The following VAV3 variants were observed in gnomAD, a reference collection of about 807,000 sequenced individuals.
VAV3 encodes the protein guanine nucleotide exchange factor VAV3.
Under a neutral mutation model 131.2 loss-of-function variants are expected in VAV3, and 94 were observed. The observed-to-expected ratio is 0.72, with a 90% CI of 0.61 to 0.85. VAV3 has a LOEUF of 0.85. Among genes scored for constraint, VAV3 ranks in the 40% least tolerant of loss-of-function variants. VAV3 has a pLI of 0.00. For synonymous variants in VAV3, 349 were observed against 342.0 expected (o/e 1.02, Z -0.22); for missense variants, 939 against 1,002.7 (o/e 0.94, Z 0.86).
At chr1:107,873,041 T>A (rs1359262216) in intron 2 of VAV3, among the ~76,000 whole-genome samples, 1 of 152,212 alleles carries the variant, frequency 6.6e-6, no homozygotes, top group Non-Finnish European at 1.5e-5. Flanking sequence ...ACTCCAATCT[T>A]GGCAGTAGCA....
intron 1 of VAV3, among the ~76,000 whole-genome samples, chr1:107,951,390 G>A (rs979429716): frequency 7.9e-5 from 12 of 152,110 alleles, no homozygotes; most frequent in Admixed American, 6.6e-5. Flanking sequence ...CTAAAAGTGG[G>A]AACTTCATAT....
At chr1:107,795,488 G>C (rs140910360) in intron 2 of VAV3, among the ~76,000 whole-genome samples, 82 of 152,128 alleles carry the variant, frequency 5.4e-4, no homozygotes, top group Middle Eastern at 3.4e-3. Flanking sequence ...ACTATTGTCT[G>C]TTTTCTTTTT....
chr1:107,835,382 C>G (rs115992435), intron 2 of VAV3, among the ~76,000 whole-genome samples: 5,145 of 152,216 alleles, frequency 0.034, 186 homozygotes, highest in African/African-American at 0.091. Context: ...GCAGATGGCT[C>G]AGGAGTGACA....
chr1:107,927,240 G>A (rs767457040), intron 1 of VAV3, among the ~76,000 whole-genome samples: 2 of 152,016 alleles, frequency 1.3e-5, no homozygotes, highest in Non-Finnish European at 2.9e-5. Flanking sequence ...GTTCTGGCAG[G>A]ACCAATCACC....
intron 6 of VAV3, 36 bp downstream of exon 6, chr1:107,770,600 G>A (rs1446103684): frequency 1.6e-6 from 2 of 1,288,484 alleles, no homozygotes; most frequent in Non-Finnish European, 2.3e-6. Context: ...ATATTAGGCA[G>A]TATTTGGGCA....
chr1:107,627,540 T>C (rs925522084), intron 20 of VAV3, among the ~76,000 whole-genome samples: 2 of 152,166 alleles, frequency 1.3e-5, no homozygotes, highest in Non-Finnish European at 2.9e-5. Flanking sequence ...AAATACCTGA[T>C]TATCATTTTT....
intron 2 of VAV3, among the ~76,000 whole-genome samples, chr1:107,854,938 A>G (rs1183509388): frequency 2.6e-5 from 4 of 152,216 alleles, no homozygotes; most frequent in Non-Finnish European, 4.4e-5. Flanking sequence ...ACTTTCCCCT[A>G]CATAGCGACC....
In VAV3 at chr1:107,705,063, TA is replaced by T. The variant is rs746556533; in HGVS notation, c.1503-3del. The stretch of plus-strand genomic sequence containing the variant: ...GCATAGTCTGGTCTTATGTTAGACC[TA>T]AAAAAAGGAAAAAAATAACTTTCTA... On this transcript the variant is annotated splice_polypyrimidine_tract_variant and splice_region_variant and intron_variant, in intron 15 of 26. Coordinates refer to ENST00000370056, the MANE Select transcript of VAV3 (RefSeq NM_006113.5). 13 of 1,597,480 alleles carry T rather than the reference TA, an allele frequency of 8.1e-6. No individual in the cohort carries two copies. The highest frequency in any genetic ancestry group is 2.2e-5 in the South Asian group (2 of 89,988).
At chr1:107,743,556 T>C (rs900828008) in intron 15 of VAV3, among the ~76,000 whole-genome samples, 3 of 152,182 alleles carry the variant, frequency 2.0e-5, no homozygotes, top group Non-Finnish European at 4.4e-5. Context: ...AATACTTAAA[T>C]TCAATTGCAA....
At chr1:107,647,716 G>A (rs1379771018) in intron 19 of VAV3, among the ~76,000 whole-genome samples, 1 of 151,936 alleles carries the variant, frequency 6.6e-6, no homozygotes, top group Non-Finnish European at 1.5e-5. Flanking sequence ...ACATTCTTGT[G>A]GGTACATGTG....
At chr1:107,872,542 G>C (rs1201433381) in intron 2 of VAV3, among the ~76,000 whole-genome samples, 2 of 152,122 alleles carry the variant, frequency 1.3e-5, no homozygotes, top group Non-Finnish European at 2.9e-5. Flanking sequence ...TTTTGTTTCT[G>C]AATTAACACT....
chr1:107,766,701 G>T, intron 7 of VAV3, 151 bp from the exon 8 acceptor site: 1 of 644,922 alleles, frequency 1.6e-6, no homozygotes. Context: ...AAAGAGAGAG[G>T]GAAAAGGAGA....
chr1:107,908,600 TAG>T (rs1223498299), intron 1 of VAV3, among the ~76,000 whole-genome samples: 3 of 152,168 alleles, frequency 2.0e-5, no homozygotes, highest in Non-Finnish European at 4.4e-5. Flanking sequence ...TTGAGATTTT[TAG>T]TTCACTCTTC....
chr1:107,751,674 C>T (rs1328149972), intron 12 of VAV3, among the ~76,000 whole-genome samples: 13 of 148,518 alleles, frequency 8.8e-5, no homozygotes, highest in Admixed American at 1.4e-4. Context: ...CAGAAAGGGG[C>T]GGGGGGGCGC....
At chr1:107,861,966 C>G (rs1012584688) in intron 2 of VAV3, among the ~76,000 whole-genome samples, 1 of 151,742 alleles carries the variant, frequency 6.6e-6, no homozygotes, top group South Asian at 2.1e-4. Flanking sequence ...ATTTTTCTAA[C>G]CTAATGATTT....
intron 19 of VAV3, among the ~76,000 whole-genome samples, chr1:107,676,468 A>G (rs1056063174): frequency 3.3e-5 from 5 of 152,226 alleles, no homozygotes; most frequent in Non-Finnish European, 2.9e-5. Flanking sequence ...CATGTTGACA[A>G]GAAGCCAATA....
chr1:107,822,859 G>A (rs551288312), intron 2 of VAV3, among the ~76,000 whole-genome samples: 26 of 152,122 alleles, frequency 1.7e-4, no homozygotes, highest in African/African-American at 6.3e-4. Context: ...ACTTTTCTAG[G>A]TAATATGGAC....
intron 25 of VAV3, among the ~76,000 whole-genome samples, chr1:107,575,322 AT>A (rs1277247136): frequency 1.3e-5 from 2 of 152,146 alleles, no homozygotes; most frequent in African/African-American, 4.8e-5. Context: ...AACCATCTGT[AT>A]TTTTAACAGT....
intron 4 of VAV3, among the ~76,000 whole-genome samples, chr1:107,773,412 C>T (rs1665160439): frequency 6.6e-6 from 1 of 152,174 alleles, no homozygotes; most frequent in Admixed American, 6.5e-5. Flanking sequence ...CTTATAAAAG[C>T]ATCAGTTACT....
Sources: allele counts gnomAD v4.1 joint callset (sites outside exome capture counted in the v4.1 genomes callset), GRCh38; gene constraint gnomAD v4.1.1; transcripts MANE v1.5; gene names NCBI Gene and HGNC (gene_info 2026-07-23, HGNC 2026-07-21).